The following DGKB variants were observed in gnomAD, a reference collection of about 807,000 sequenced individuals.
The protein encoded by DGKB is diacylglycerol kinase beta, also known as 90 kDa diacylglycerol kinase.
DGKB carries 67 observed loss-of-function variants against 114.3 expected under a neutral mutation model. That is an observed-to-expected ratio of 0.59 (90% confidence interval 0.48 to 0.72). The LOEUF (loss-of-function observed/expected upper bound fraction) is 0.72. Ranked by LOEUF, DGKB falls within the 30% of genes least tolerant of loss-of-function variation. The probability of loss-of-function intolerance (pLI) is 0.00; values close to 1 mark genes in which losing one functional copy is unlikely to be tolerated. For synonymous variants in DGKB, 398 were observed against 323.1 expected, an observed-to-expected ratio of 1.23 and a Z score of -2.49; for missense variants, 907 against 975.2, an observed-to-expected ratio of 0.93 and a Z score of 0.93.
At chr7:14,574,420 A>C in intron 19 of DGKB, 48 bp from the exon 20 acceptor site, 1 of 1,523,316 alleles carries the variant, frequency 6.6e-7, no homozygotes, top group Non-Finnish European at 8.9e-7. Flanking sequence ...AACCAAATAA[A>C]AAAGCTGTAT....
At chr7:14,549,497 T>C (rs59306337) in intron 20 of DGKB, among the ~76,000 whole-genome samples, 5,828 of 152,246 alleles carry the variant, frequency 0.038, 194 homozygotes, top group East Asian at 0.18. Flanking sequence ...TAATACTTTG[T>C]ATTTTTTAGA....
intron 20 of DGKB, among the ~76,000 whole-genome samples, chr7:14,513,159 A>G (rs1788240002): frequency 6.6e-6 from 1 of 152,100 alleles, no homozygotes; most frequent in Admixed American, 6.5e-5. Context: ...TATTAATAAC[A>G]GCCTTTTAAT....
chr7:14,155,173 C>A (rs1562486664), intron 25 of DGKB, among the ~76,000 whole-genome samples: 3 of 152,050 alleles, frequency 2.0e-5, no homozygotes, highest in Non-Finnish European at 4.4e-5. Flanking sequence ...GACTGACCAA[C>A]TGAATAAATG....
At chr7:14,279,718 C>T (rs1481116784) in intron 23 of DGKB, among the ~76,000 whole-genome samples, 2 of 152,042 alleles carry the variant, frequency 1.3e-5, no homozygotes, top group African/African-American at 2.4e-5. Flanking sequence ...CCCGAGCAGC[C>T]TAACTGGGAG....
chr7:14,678,049 A>T (rs1020733595), intron 12 of DGKB, among the ~76,000 whole-genome samples: 2 of 152,018 alleles, frequency 1.3e-5, no homozygotes, highest in Non-Finnish European at 2.9e-5. Context: ...TCTGATGGAG[A>T]TTTGAGTATT....
intron 14 of DGKB, among the ~76,000 whole-genome samples, chr7:14,629,644 A>G (rs76640055): frequency 0.017 from 2,573 of 152,224 alleles, 31 homozygotes; most frequent in Non-Finnish European, 0.024. Flanking sequence ...TCATCAATGC[A>G]AAGGTAAAGC....
At chr7:14,362,230 A>G (rs1203519006) in intron 21 of DGKB, among the ~76,000 whole-genome samples, 2 of 152,104 alleles carry the variant, frequency 1.3e-5, no homozygotes. Context: ...TATAAGTTTT[A>G]GTGTCCTTAC....
intron 13 of DGKB, among the ~76,000 whole-genome samples, chr7:14,641,145 T>A (rs1387081484): frequency 6.6e-6 from 1 of 152,184 alleles, no homozygotes; most frequent in Admixed American, 6.6e-5. Flanking sequence ...TTGCCAACAC[T>A]GGGTATTATC....
At chr7:14,458,617 G>A (rs78276456) in intron 21 of DGKB, among the ~76,000 whole-genome samples, 10,736 of 152,184 alleles carry the variant, frequency 0.071, 509 homozygotes, top group East Asian at 0.22. Context: ...CCCTCCCATA[G>A]CCAAGGGAAG....
At chr7:14,680,908 A>G (rs1820713264) in intron 12 of DGKB, among the ~76,000 whole-genome samples, 1 of 152,018 alleles carries the variant, frequency 6.6e-6, no homozygotes, top group Non-Finnish European at 1.5e-5. Flanking sequence ...ATGAATAATA[A>G]ACCTAAGACA....
At position 14,380,046 on chromosome 7, in the gene DGKB, A is replaced by G. The variant is rs545714149; in HGVS notation, c.1836-34655T>C. ...CAGCTGAAGTGCTGGTGGAAACTCT[A>G]TACTAATAAGTGCTTGGCAATTATA... On this transcript the variant is annotated intron_variant, in intron 21 of 25. Transcript: ENST00000402815. Among the ~76,000 whole-genome samples the G allele has an allele frequency of 5.3e-5, 8 of 152,302 alleles. No homozygotes were observed. The South Asian group carries it at 1.7e-3, about 32-fold the overall frequency.
intron 20 of DGKB, among the ~76,000 whole-genome samples, chr7:14,559,656 T>C (rs1796363424): frequency 6.6e-6 from 1 of 152,324 alleles, no homozygotes; most frequent in African/African-American, 2.4e-5. Flanking sequence ...TATTAAATTA[T>C]TTCAAAAACT....
chr7:14,751,623 G>A (rs866897862), intron 4 of DGKB, among the ~76,000 whole-genome samples: 1 of 152,170 alleles, frequency 6.6e-6, no homozygotes, highest in African/African-American at 2.4e-5. Context: ...AGGAAGTGAA[G>A]CAATACAACA....
In DGKB at chr7:14,577,340, A is replaced by G. The variant is rs766343956; in HGVS notation, c.1610-2968T>C. ...ATCTGTATAAAAGTGTGTTCAGGCC[A>G]GGTGCGGTGGCTCATGTCTATAATC... On this transcript the variant is annotated intron_variant, in intron 19 of 25. Coordinates refer to ENST00000402815, the MANE Select transcript of DGKB (RefSeq NM_001350709.2). Among the ~76,000 whole-genome samples the G allele has an allele frequency of 2.6e-5, 4 of 152,308 alleles. No individual in the cohort carries two copies. In the South Asian group the frequency reaches 6.2e-4, roughly 24 times the overall value.
chr7:14,303,888 GAA>G (rs1803980397), intron 23 of DGKB, among the ~76,000 whole-genome samples: 1 of 152,046 alleles, frequency 6.6e-6, no homozygotes, highest in African/African-American at 2.4e-5. Context: ...CCCAAGGATT[GAA>G]AAGTCTATCA....
chr7:14,729,863 T>C (rs1287750862), intron 5 of DGKB, among the ~76,000 whole-genome samples: 4 of 152,178 alleles, frequency 2.6e-5, no homozygotes, highest in Non-Finnish European at 4.4e-5. Context: ...TATAATGAGT[T>C]TAAATAAATA....
intron 1 of DGKB, among the ~76,000 whole-genome samples, chr7:14,910,005 G>A (rs533888943): frequency 2.0e-5 from 3 of 151,908 alleles, no homozygotes; most frequent in Non-Finnish European, 4.4e-5. Context: ...TCAGGAGTTC[G>A]AGACCAGCCT....
chr7:14,466,278 G>T (rs750310294), intron 21 of DGKB, among the ~76,000 whole-genome samples: 1 of 152,134 alleles, frequency 6.6e-6, no homozygotes, highest in African/African-American at 2.4e-5. Context: ...CAACATTAAG[G>T]CCAGGTGTGG....
chr7:14,430,942 A>G (rs1344430070), intron 21 of DGKB, among the ~76,000 whole-genome samples: 1 of 152,164 alleles, frequency 6.6e-6, no homozygotes, highest in Non-Finnish European at 1.5e-5. Flanking sequence ...CTGCATAGAC[A>G]TATCTACCTA....
Sources: allele counts gnomAD v4.1 joint callset (sites outside exome capture counted in the v4.1 genomes callset), GRCh38; gene constraint gnomAD v4.1.1; transcripts MANE v1.5; gene names NCBI Gene and HGNC (gene_info 2026-07-23, HGNC 2026-07-21).